NSMCE2: variants seen among roughly 807,000 people sequenced by gnomAD.
The protein encoded by NSMCE2 is NSE2 SUMO ligase component of SMC5/6 complex.
NSMCE2 carries 24 observed loss-of-function variants against 23.8 expected under a neutral mutation model. The observed-to-expected ratio is 1.01, with a 90% confidence interval of 0.73 to 1.42. NSMCE2 has a LOEUF of 1.42. NSMCE2 is among the 40% of genes most tolerant of loss of function. NSMCE2 has a pLI of 0.00. For synonymous variants in NSMCE2, 92 were observed against 94.1 expected, an observed-to-expected ratio of 0.98 and a Z score of 0.13; for missense variants, 284 against 296.5, an observed-to-expected ratio of 0.96 and a Z score of 0.31.
chr8:125,199,201 T>C (rs1420511061), intron 5 of NSMCE2, among the ~76,000 whole-genome samples: 2 of 152,190 alleles, frequency 1.3e-5, no homozygotes, highest in African/African-American at 2.4e-5. Flanking sequence ...CTGATCTGAG[T>C]TATTTCTTGC....
At chr8:125,265,813 A>G (rs965778833) in intron 5 of NSMCE2, among the ~76,000 whole-genome samples, 2 of 152,106 alleles carry the variant, frequency 1.3e-5, no homozygotes, top group Admixed American at 1.3e-4. Flanking sequence ...ATTGATCCTT[A>G]GTTGTTTTTT....
At chr8:125,119,576 G>A (rs1446842744) in intron 3 of NSMCE2, among the ~76,000 whole-genome samples, 1 of 152,160 alleles carries the variant, frequency 6.6e-6, no homozygotes, top group African/African-American at 2.4e-5. Flanking sequence ...AATTAGACTA[G>A]CACTTTATTA....
At chr8:125,096,609 T>C (rs1817945135) in intron 1 of NSMCE2, among the ~76,000 whole-genome samples, 1 of 150,950 alleles carries the variant, frequency 6.6e-6, no homozygotes, top group Non-Finnish European at 1.5e-5. Context: ...CTACCAAATG[T>C]GTATTACTAG....
At chr8:125,150,416 T>C (rs1463149062) in intron 3 of NSMCE2, among the ~76,000 whole-genome samples, 1 of 143,580 alleles carries the variant, frequency 7.0e-6, no homozygotes, top group Non-Finnish European at 1.5e-5. Flanking sequence ...TTTTTTTCTT[T>C]TCTTTCTTTC....
chr8:125,230,283 C>T (rs1056626573), intron 5 of NSMCE2, among the ~76,000 whole-genome samples: 1 of 149,522 alleles, frequency 6.7e-6, no homozygotes, highest in Admixed American at 6.6e-5. Context: ...GGCCAACCCT[C>T]TCTTACTGAA....
At chr8:125,347,375 C>G (rs968002052) in intron 5 of NSMCE2, among the ~76,000 whole-genome samples, 2 of 152,056 alleles carry the variant, frequency 1.3e-5, no homozygotes, top group African/African-American at 4.8e-5. Flanking sequence ...TTACCTTCTT[C>G]TAGGAGGCTC....
chr8:125,263,957 C>A (rs1474227751), intron 5 of NSMCE2, among the ~76,000 whole-genome samples: 3 of 152,296 alleles, frequency 2.0e-5, no homozygotes, highest in South Asian at 4.1e-4. Flanking sequence ...AAGCTGCAGT[C>A]CCCTGTTTAG....
chr8:125,102,163 T>G lies in NSMCE2; in HGVS notation c.-15+17T>G. ...GTGGCCCAGGTGAGTGGCACAGTGA[T>G]TTGGTGTCTTCTCTATAGGATATAC... On this transcript the variant is annotated intron_variant, in intron 2 of 7. Coordinates refer to ENST00000287437, the MANE Select transcript of NSMCE2 (RefSeq NM_173685.4). 1.4e-5 allele frequency: 8 copies of G among 577,940 alleles called. No individual in the cohort carries two copies. Among genetic ancestry groups the G allele is most frequent in the Middle Eastern group, 4.8e-4 (1 of 2,104 alleles). The allele number at this position is 577,940 out of a possible 1,614,324, so 35.8% of individuals were successfully genotyped here. A position where few individuals can be genotyped will look rare whatever the true frequency, so the allele number is the denominator to read the frequency against.
intron 5 of NSMCE2, among the ~76,000 whole-genome samples, chr8:125,257,522 CTTTTTTTTTT>C (rs1174718163): frequency 0.16 from 13,907 of 84,942 alleles, 951 homozygotes; most frequent in South Asian, 0.29. Flanking sequence ...CCAAATTTCT[CTTTTTTTTTT>C]TTTTTTTTTT....
intron 3 of NSMCE2, among the ~76,000 whole-genome samples, chr8:125,142,669 A>G (rs1820441055): frequency 6.6e-6 from 1 of 151,368 alleles, no homozygotes. Context: ...CAGTGGTGCT[A>G]TCTTGGCTCA....
intron 3 of NSMCE2, among the ~76,000 whole-genome samples, chr8:125,116,931 A>C (rs1586454978): frequency 3.1e-5 from 4 of 129,296 alleles, no homozygotes; most frequent in Admixed American, 1.8e-4. Flanking sequence ...TCTGTCACCC[A>C]CTCTGGTGGG....
At chr8:125,282,333 C>T (rs1353231499) in intron 5 of NSMCE2, among the ~76,000 whole-genome samples, 3 of 152,246 alleles carry the variant, frequency 2.0e-5, no homozygotes, top group South Asian at 2.1e-4. Context: ...AGGCTCGTCT[C>T]GAACTCCTGA....
At chr8:125,105,664 A>G (rs1303734506) in intron 3 of NSMCE2, among the ~76,000 whole-genome samples, 1 of 152,120 alleles carries the variant, frequency 6.6e-6, no homozygotes, top group Non-Finnish European at 1.5e-5. Context: ...TTCTGTCACA[A>G]CCCGCTGTTG....
intron 5 of NSMCE2, among the ~76,000 whole-genome samples, chr8:125,356,510 G>A (rs1350121099): frequency 1.3e-5 from 2 of 151,826 alleles, no homozygotes; most frequent in Non-Finnish European, 2.9e-5. Context: ...TGTAGTTTTG[G>A]TAGAGATGGG....
intron 5 of NSMCE2, among the ~76,000 whole-genome samples, chr8:125,201,563 G>A (rs1429348406): frequency 6.6e-6 from 1 of 152,178 alleles, no homozygotes; most frequent in Non-Finnish European, 1.5e-5. Context: ...TCCTCTGGAA[G>A]TTTTGTCCCA....
chr8:125,163,392 T>G (rs1165960170), intron 4 of NSMCE2, among the ~76,000 whole-genome samples: 2 of 152,214 alleles, frequency 1.3e-5, no homozygotes, highest in African/African-American at 4.8e-5. Flanking sequence ...TCTTCCCATT[T>G]TGTAAGCAGT....
chr8:125,173,455 C>T (rs1822323194), intron 4 of NSMCE2, among the ~76,000 whole-genome samples: 1 of 152,200 alleles, frequency 6.6e-6, no homozygotes, highest in South Asian at 2.1e-4. Context: ...ACCACCCTAT[C>T]TAATTTTATT....
At chr8:125,205,077 G>A (rs1271851635) in intron 5 of NSMCE2, among the ~76,000 whole-genome samples, 1 of 152,162 alleles carries the variant, frequency 6.6e-6, no homozygotes, top group Non-Finnish European at 1.5e-5. Flanking sequence ...AAAGTACTGT[G>A]TTCTCTTTAC....
intron 5 of NSMCE2, among the ~76,000 whole-genome samples, chr8:125,265,349 G>A (rs147081342): frequency 0.014 from 2,182 of 151,974 alleles, 50 homozygotes; most frequent in African/African-American, 0.05. Context: ...AGCCTCCCAA[G>A]TAGCTGGGAT....
Sources: allele counts gnomAD v4.1 joint callset (sites outside exome capture counted in the v4.1 genomes callset), GRCh38; gene constraint gnomAD v4.1.1; transcripts MANE v1.5; gene names NCBI Gene and HGNC (gene_info 2026-07-23, HGNC 2026-07-21).